The following PLEKHA2 variants were observed in gnomAD, a reference collection of about 807,000 sequenced individuals.
PLEKHA2 encodes the protein pleckstrin homology domain containing A2, also known as pleckstrin homology domain-containing family A member 2.
Under a neutral mutation model 53.2 loss-of-function variants are expected in PLEKHA2, and 28 were observed. The ratio of observed to expected loss-of-function variants is 0.53; its 90% CI spans 0.39 to 0.72. PLEKHA2 has a LOEUF of 0.72. Among genes scored for constraint, PLEKHA2 ranks in the 30% least tolerant of loss-of-function variants. PLEKHA2 has a pLI of 0.00. For synonymous variants in PLEKHA2, 193 were observed against 196.4 expected (o/e 0.98, Z 0.14); for missense variants, 426 against 537.9 (o/e 0.79, Z 2.06).
chr8:38,958,444 G>A (rs556112168), intron 10 of PLEKHA2, among the ~76,000 whole-genome samples: 1 of 152,352 alleles, frequency 6.6e-6, no homozygotes, highest in South Asian at 2.1e-4. Context: ...TGGGCCTCGA[G>A]TGTCACTCCC....
intron 2 of PLEKHA2, among the ~76,000 whole-genome samples, chr8:38,925,222 T>G (rs1382782473): frequency 6.6e-6 from 1 of 152,206 alleles, no homozygotes; most frequent in East Asian, 1.9e-4. Context: ...ACTACAATAT[T>G]ATGGCACTAG....
At chr8:38,923,006 C>G (rs72638504) in intron 2 of PLEKHA2, among the ~76,000 whole-genome samples, 1,610 of 152,260 alleles carry the variant, frequency 0.011, 16 homozygotes, top group Non-Finnish European at 0.014. Flanking sequence ...TTCGGTGAGG[C>G]CTTTGCCACC....
rs191889506 is a variant in PLEKHA2, at chr8:38,943,745, G to T, written c.199-44G>T. ...TTCACAATAAGAAATCTTCAACATTGTAAGACACATATTCATGTTTCTTTT... is the reference window on the plus strand; with the variant it reads ...TTCACAATAAGAAATCTTCAACATTTTAAGACACATATTCATGTTTCTTTT... On this transcript the variant is annotated intron_variant, in intron 3 of 11. Transcript: ENST00000617275. 4.0e-4 allele frequency: 563 copies of T among 1,420,946 alleles called. 2 individuals are homozygous for T. In the African/African-American group the frequency reaches 7.7e-3, roughly 19 times the overall value. The allele number at this position is 1,420,946 out of a possible 1,614,324, so 88.0% of individuals were successfully genotyped here.
intron 10 of PLEKHA2, among the ~76,000 whole-genome samples, chr8:38,959,924 A>T (rs1258924323): frequency 3.9e-5 from 6 of 152,176 alleles, no homozygotes; most frequent in Non-Finnish European, 8.8e-5. Context: ...TGCCTGCTGG[A>T]CATCCAAGGA....
intron 2 of PLEKHA2, among the ~76,000 whole-genome samples, chr8:38,933,790 A>AAAAAGAAAAG (rs1554557186): frequency 4.4e-5 from 4 of 90,664 alleles, no homozygotes; most frequent in African/African-American, 1.5e-4. Context: ...AAAAAAAAAA[A>AAAAAGAAAAG]AAAAGAAAAG....
intron 10 of PLEKHA2, among the ~76,000 whole-genome samples, chr8:38,958,534 G>C (rs1446967957): frequency 1.3e-5 from 2 of 152,046 alleles, no homozygotes; most frequent in Non-Finnish European, 1.5e-5. Flanking sequence ...AACTCCTTCC[G>C]CCGAGCCCAG....
Position 38,924,253 on chromosome 8 carries a change from T to C in PLEKHA2, c.141+6183T>C, listed in dbSNP as rs1269630645. Among the ~76,000 whole-genome samples the C allele has an allele frequency of 2.0e-5, 3 of 151,958 alleles. No homozygotes were observed. In the East Asian group the frequency reaches 5.8e-4, roughly 29 times the overall value. ...TTCTGAGTTGGGGAAACAGCAGTCATTGTGGGGCAGAGGTGAGCTCGCCTG... is the reference window on the plus strand; with the variant it reads ...TTCTGAGTTGGGGAAACAGCAGTCACTGTGGGGCAGAGGTGAGCTCGCCTG... On this transcript the variant is annotated intron_variant, in intron 2 of 11. Transcript: ENST00000617275.
At chr8:38,935,430 CTT>C (rs879723172) in intron 2 of PLEKHA2, among the ~76,000 whole-genome samples, 13 of 141,642 alleles carry the variant, frequency 9.2e-5, no homozygotes, top group Admixed American at 1.4e-4. Context: ...GGAGCTTACA[CTT>C]TTTTTTTTTT....
chr8:38,936,703 A>G (rs1357788770), intron 3 of PLEKHA2, among the ~76,000 whole-genome samples: 1 of 152,236 alleles, frequency 6.6e-6, no homozygotes, highest in East Asian at 1.9e-4. Flanking sequence ...CGGTGCCCAC[A>G]TGTAACTGCT....
At chr8:38,960,966 A>G (rs1018921920) in intron 10 of PLEKHA2, 3 of 152,240 alleles carry the variant, frequency 2.0e-5, no homozygotes, top group South Asian at 2.1e-4. Flanking sequence ...TTGGAAAACA[A>G]TGGTCTCACT....
chr8:38,968,778 C>G, intron 11 of PLEKHA2, 109 bp downstream of exon 11: 1 of 1,023,370 alleles, frequency 9.8e-7, no homozygotes, highest in Non-Finnish European at 1.5e-6. Flanking sequence ...CGAGGTGCAG[C>G]TGAAGCCCCA....
At chr8:38,934,483 TG>T (rs974342713) in intron 2 of PLEKHA2, among the ~76,000 whole-genome samples, 10 of 152,104 alleles carry the variant, frequency 6.6e-5, no homozygotes, top group Admixed American at 3.9e-4. Flanking sequence ...AGATTTTTCT[TG>T]GAGGCTTTTG....
chr8:38,914,289 T>C (rs927809312), intron 1 of PLEKHA2, among the ~76,000 whole-genome samples: 12 of 152,368 alleles, frequency 7.9e-5, no homozygotes, highest in African/African-American at 2.2e-4. Flanking sequence ...ATGTGTGTTT[T>C]GGGGGCATTT....
At chr8:38,926,244 T>C in intron 2 of PLEKHA2, among the ~76,000 whole-genome samples, 1 of 152,188 alleles carries the variant, frequency 6.6e-6, no homozygotes, top group East Asian at 1.9e-4. Flanking sequence ...TTTGATGTGC[T>C]TTTGTCTGTA....
intron 2 of PLEKHA2, among the ~76,000 whole-genome samples, chr8:38,929,987 C>T (rs1408077554): frequency 5.3e-5 from 8 of 152,162 alleles, no homozygotes; most frequent in Admixed American, 5.2e-4. Flanking sequence ...ACAAGAAATA[C>T]TGCTGTTGCT....
intron 2 of PLEKHA2, among the ~76,000 whole-genome samples, chr8:38,924,748 A>C (rs1231552632): frequency 3.3e-5 from 5 of 152,238 alleles, no homozygotes; most frequent in Non-Finnish European, 7.3e-5. Flanking sequence ...CGTCTGCTAG[A>C]TGGACATACG....
intron 11 of PLEKHA2, chr8:38,968,999 A>G: frequency 3.1e-6 from 1 of 321,074 alleles, no homozygotes; most frequent in Non-Finnish European, 5.7e-6. Flanking sequence ...CCCAGGTTCA[A>G]GTGATTCTCC....
intron 3 of PLEKHA2, among the ~76,000 whole-genome samples, chr8:38,938,684 G>C (rs186009877): frequency 6.6e-6 from 1 of 152,144 alleles, no homozygotes; most frequent in Non-Finnish European, 1.5e-5. Flanking sequence ...ACCTCTGCTC[G>C]CTGCTGGGGT....
At chr8:38,903,185 G>A (rs1424608024) in intron 1 of PLEKHA2, among the ~76,000 whole-genome samples, 5 of 152,234 alleles carry the variant, frequency 3.3e-5, no homozygotes, top group Admixed American at 2.6e-4. Flanking sequence ...TTATTAGTCC[G>A]GATGTTGCCT....
Sources: allele counts gnomAD v4.1 joint callset (sites outside exome capture counted in the v4.1 genomes callset), GRCh38; gene constraint gnomAD v4.1.1; transcripts MANE v1.5; gene names NCBI Gene and HGNC (gene_info 2026-07-23, HGNC 2026-07-21).